The following ARHGAP8 variants were observed in gnomAD, a reference collection of about 807,000 sequenced individuals.
The protein encoded by ARHGAP8 is Rho GTPase activating protein 8.
In ARHGAP8, 62 loss-of-function variants were observed where a neutral mutation model predicts 46.1. The ratio of observed to expected loss-of-function variants is 1.34; its 90% confidence interval spans 1.10 to 1.66. The LOEUF is 1.66. ARHGAP8 is among the 40% of genes most tolerant of loss of function. The pLI, the probability that ARHGAP8 is intolerant of heterozygous loss-of-function variation, is 0.00. For missense variants in ARHGAP8, 923 were observed against 568.4 expected (o/e 1.62, Z -6.34); for synonymous variants, 375 against 243.1 (o/e 1.54, Z -5.05).
chr22:44,813,965 A>G (rs1345836937), intron 4 of ARHGAP8, among the ~76,000 whole-genome samples: 1 of 152,150 alleles, frequency 6.6e-6, no homozygotes, highest in Non-Finnish European at 1.5e-5. Flanking sequence ...CACGCAGGCC[A>G]TGTGGATGCC....
chr22:44,805,400 G>A (rs989798464), intron 3 of ARHGAP8, among the ~76,000 whole-genome samples: 2 of 152,226 alleles, frequency 1.3e-5, no homozygotes. Flanking sequence ...GCACAGCTTT[G>A]TGAATGTACT....
chr22:44,862,178 C>A (rs956280079), intron 11 of ARHGAP8, 97 bp from the exon 12 acceptor site: 4 of 1,443,524 alleles, frequency 2.8e-6, no homozygotes, highest in African/African-American at 1.4e-5. Flanking sequence ...GTGCTCCTCT[C>A]ACTACACCTA....
chr22:44,810,611 C>T (rs1398942801), intron 4 of ARHGAP8, among the ~76,000 whole-genome samples: 1 of 152,158 alleles, frequency 6.6e-6, no homozygotes, highest in African/African-American at 2.4e-5. Flanking sequence ...TACCAAGGTT[C>T]CAGCTGGCGT....
At chr22:44,802,750 T>G (rs1928646556) in intron 3 of ARHGAP8, among the ~76,000 whole-genome samples, 1 of 152,084 alleles carries the variant, frequency 6.6e-6, no homozygotes, top group African/African-American at 2.4e-5. Context: ...GGGCCCCAGA[T>G]GACTTGTGGC....
intron 1 of ARHGAP8, among the ~76,000 whole-genome samples, chr22:44,777,998 TTTTATTTATTTATTTA>T (rs59802896): frequency 1.5e-3 from 218 of 143,786 alleles, no homozygotes; most frequent in African/African-American, 4.7e-3. Context: ...GCCTGGACTA[TTTTATTTATTTATTTA>T]TTTATTTATT....
rs571001251 is a variant in ARHGAP8, at chr22:44,856,601, C to T, written c.878-3130C>T. On this transcript the variant is annotated intron_variant, in intron 10 of 11. Coordinates refer to ENST00000356099, the MANE Select transcript of ARHGAP8 (RefSeq NM_181335.3). ...TAAATTCTTGGGGCTACATCCTGAC[C>T]ATTGGCTGTTCCCCCAGGCATTTGG... Among the ~76,000 whole-genome samples, 593 of 112,016 alleles carry T rather than the reference C, an allele frequency of 5.3e-3. 108 individuals carry two copies. Among genetic ancestry groups the T allele is most frequent in the African/African-American group, 0.025 (565 of 22,484 alleles). 73.5% of individuals were successfully genotyped at this position (112,016 alleles called of 152,430 possible).
chr22:44,861,122 C>T (rs563055827), intron 11 of ARHGAP8, among the ~76,000 whole-genome samples: 4 of 152,292 alleles, frequency 2.6e-5, no homozygotes, highest in East Asian at 1.9e-4. Context: ...CAGGTGAGAA[C>T]CACCATGCCC....
At chr22:44,826,253 C>T (rs1395672914) in intron 7 of ARHGAP8, among the ~76,000 whole-genome samples, 1 of 152,146 alleles carries the variant, frequency 6.6e-6, no homozygotes, top group Non-Finnish European at 1.5e-5. Flanking sequence ...ACCTTGCTAA[C>T]ACCCAGGCTG....
At chr22:44,851,489 G>T (rs1410447746) in intron 10 of ARHGAP8, among the ~76,000 whole-genome samples, 1 of 152,098 alleles carries the variant, frequency 6.6e-6, no homozygotes, top group Non-Finnish European at 1.5e-5. Context: ...TCGGCACACT[G>T]CAACCTCCAC....
intron 8 of ARHGAP8, among the ~76,000 whole-genome samples, chr22:44,845,842 G>A (rs1341309519): frequency 6.6e-6 from 1 of 152,182 alleles, no homozygotes; most frequent in Non-Finnish European, 1.5e-5. Context: ...CCATGGAGAA[G>A]GTGCGTGGAG....
chr22:44,773,504 T>G (rs1225352241), intron 1 of ARHGAP8, among the ~76,000 whole-genome samples: 2 of 152,278 alleles, frequency 1.3e-5, no homozygotes, highest in Non-Finnish European at 2.9e-5. Flanking sequence ...AACATTAACA[T>G]ACTTCACAGG....
At position 44,801,054 on chromosome 22, in the gene ARHGAP8, CT is replaced by C. The variant is rs549853951; in HGVS notation, c.80-1022del. 9.6e-4 allele frequency among the ~76,000 whole-genome samples: 67 copies of C among 70,000 alleles called. 14 individuals are homozygous for C. Among genetic ancestry groups the C allele is most frequent in the Non-Finnish European group, 1.3e-3 (47 of 36,444 alleles). 45.9% of individuals were successfully genotyped at this position (70,000 alleles called of 152,430 possible). A position where few individuals can be genotyped will look rare whatever the true frequency, so the allele number is the denominator to read the frequency against. On this transcript the variant is annotated intron_variant, in intron 2 of 11. Transcript: ENST00000356099. The stretch of plus-strand genomic sequence containing the variant: ...TCCCCGCAGCTGTGTGGGGGCACCT[CT>C]CCCCGCAGCTGTCCATGTGTGAGGG...
At position 44,802,246 on chromosome 22, in the gene ARHGAP8, T is replaced by C. The variant is rs576078872; in HGVS notation, c.167+82T>C. ...TCCCTTCACCCCACCTCACTCTGAG[T>C]CATCTGCTGTGGTCTGGGGCCTCCT... On this transcript the variant is annotated intron_variant, in intron 3 of 11. Transcript: ENST00000356099. 118 of 1,548,162 alleles carry C rather than the reference T, an allele frequency of 7.6e-5. 1 individual carries two copies. In the South Asian group the frequency reaches 1.4e-3, roughly 19 times the overall value.
chr22:44,847,864 G>A, intron 8 of ARHGAP8, 109 bp from the exon 9 acceptor site: 3 of 1,392,164 alleles, frequency 2.2e-6, no homozygotes, highest in South Asian at 2.5e-5. Context: ...ATAAATGTGT[G>A]GAGGCCAGCC....
intron 2 of ARHGAP8, among the ~76,000 whole-genome samples, chr22:44,790,312 TG>T (rs1349822645): frequency 6.6e-6 from 1 of 151,800 alleles, no homozygotes; most frequent in East Asian, 1.9e-4. Flanking sequence ...AACCAAAAAC[TG>T]GGGGTGAGGG....
intron 7 of ARHGAP8, among the ~76,000 whole-genome samples, chr22:44,827,335 G>GTTTTTTT (rs1569165898): frequency 4.8e-5 from 2 of 41,716 alleles, no homozygotes; most frequent in African/African-American, 9.4e-5. Flanking sequence ...TTTGGGTGGT[G>GTTTTTTT]GTTTTTTTTT....
chr22:44,858,817 G>A (rs1034013265), intron 10 of ARHGAP8, among the ~76,000 whole-genome samples: 6 of 151,200 alleles, frequency 4.0e-5, no homozygotes, highest in Admixed American at 2.0e-4. Flanking sequence ...AAGTGTGGGC[G>A]ATTTGTGGTG....
At chr22:44,842,648 C>T (rs1242798115) in intron 7 of ARHGAP8, among the ~76,000 whole-genome samples, 2 of 152,158 alleles carry the variant, frequency 1.3e-5, no homozygotes, top group East Asian at 3.9e-4. Context: ...GCTGATGCGT[C>T]AGCTGGAGGT....
At chr22:44,800,358 G>C (rs1279298461) in intron 2 of ARHGAP8, among the ~76,000 whole-genome samples, 1 of 151,780 alleles carries the variant, frequency 6.6e-6, no homozygotes, top group African/African-American at 2.4e-5. Flanking sequence ...TGCCCGCCTC[G>C]GCCTCCCAAA....
Sources: allele counts gnomAD v4.1 joint callset (sites outside exome capture counted in the v4.1 genomes callset), GRCh38; gene constraint gnomAD v4.1.1; transcripts MANE v1.5; gene names NCBI Gene and HGNC (gene_info 2026-07-23, HGNC 2026-07-21).